The following NKAIN2 variants were observed in gnomAD, a reference collection of about 807,000 sequenced individuals.
NKAIN2 encodes the protein sodium/potassium transporting ATPase interacting 2, also known as sodium/potassium-transporting ATPase subunit beta-1-interacting protein 2.
In NKAIN2, 14 loss-of-function variants were observed where a neutral mutation model predicts 32.6. That is an observed-to-expected ratio of 0.43 (90% CI 0.28 to 0.67). The LOEUF (loss-of-function observed/expected upper bound fraction) is 0.67, where lower values mean the gene tolerates loss of function less well. NKAIN2 is among the 30% of genes least tolerant of loss of function. The pLI is 0.17. For synonymous variants in NKAIN2, 80 were observed against 87.2 expected (o/e 0.92, Z 0.46); for missense variants, 198 against 258.3 (o/e 0.77, Z 1.60).
intron 3 of NKAIN2, among the ~76,000 whole-genome samples, chr6:124,502,680 T>C (rs372535253): frequency 3.9e-5 from 6 of 152,222 alleles, no homozygotes; most frequent in Non-Finnish European, 7.3e-5. Flanking sequence ...TGTGAGATAA[T>C]GATCTTCCCT....
At chr6:124,171,848 G>T (rs1453735129) in intron 1 of NKAIN2, among the ~76,000 whole-genome samples, 3 of 141,388 alleles carry the variant, frequency 2.1e-5, no homozygotes, top group South Asian at 4.6e-4. Context: ...CACCGCGGCC[G>T]ACTCTTTTTT....
chr6:124,405,742 G>T (rs957506645), intron 3 of NKAIN2, among the ~76,000 whole-genome samples: 2 of 152,000 alleles, frequency 1.3e-5, no homozygotes, highest in African/African-American at 4.8e-5. Context: ...CAGTGAAAGA[G>T]TGTGATATCC....
intron 4 of NKAIN2, among the ~76,000 whole-genome samples, chr6:124,710,865 C>T (rs536202492): frequency 0.017 from 2,561 of 150,118 alleles, 35 homozygotes; most frequent in Middle Eastern, 0.027. Flanking sequence ...GAATTTGATC[C>T]TGTCATTATG....
At chr6:124,248,148 T>A (rs955434192) in intron 1 of NKAIN2, among the ~76,000 whole-genome samples, 2 of 152,094 alleles carry the variant, frequency 1.3e-5, no homozygotes, top group African/African-American at 4.8e-5. Flanking sequence ...TCAATAAAAT[T>A]TTAATAAGAT....
intron 3 of NKAIN2, among the ~76,000 whole-genome samples, chr6:124,552,350 C>T (rs1275659096): frequency 2.0e-5 from 3 of 152,198 alleles, no homozygotes; most frequent in African/African-American, 7.2e-5. Flanking sequence ...AGAGCAGGCA[C>T]TGAAATCTGA....
At chr6:124,222,351 C>G (rs1791877942) in intron 1 of NKAIN2, among the ~76,000 whole-genome samples, 2 of 152,028 alleles carry the variant, frequency 1.3e-5, no homozygotes. Flanking sequence ...AAATTAAATA[C>G]AGAAGTAAAT....
intron 3 of NKAIN2, among the ~76,000 whole-genome samples, chr6:124,574,031 T>C (rs1470538585): frequency 6.6e-6 from 1 of 152,102 alleles, no homozygotes; most frequent in African/African-American, 2.4e-5. Flanking sequence ...AAAAGCTCTG[T>C]GCATTGACAT....
intron 2 of NKAIN2, among the ~76,000 whole-genome samples, chr6:124,296,798 G>A (rs778278115): frequency 6.6e-6 from 1 of 152,150 alleles, no homozygotes; most frequent in Non-Finnish European, 1.5e-5. Context: ...GAATTGTTTA[G>A]GATAAAAGCA....
intron 1 of NKAIN2, among the ~76,000 whole-genome samples, chr6:123,972,005 C>T (rs759825614): frequency 6.6e-6 from 1 of 152,156 alleles, no homozygotes; most frequent in Non-Finnish European, 1.5e-5. Context: ...TAAGACCAAG[C>T]TTTCCCCTTC....
intron 1 of NKAIN2, among the ~76,000 whole-genome samples, chr6:124,273,589 G>T (rs1794901557): frequency 6.6e-6 from 1 of 152,160 alleles, no homozygotes; most frequent in African/African-American, 2.4e-5. Flanking sequence ...CAGATGACAT[G>T]AATATGTCTG....
chr6:124,607,221 T>C (rs886474293), intron 3 of NKAIN2, among the ~76,000 whole-genome samples: 4 of 152,166 alleles, frequency 2.6e-5, no homozygotes, highest in Non-Finnish European at 5.9e-5. Flanking sequence ...TAATAAAGTG[T>C]GATTTAACTA....
chr6:124,146,352 A>G (rs1787401224), intron 1 of NKAIN2, among the ~76,000 whole-genome samples: 1 of 152,210 alleles, frequency 6.6e-6, no homozygotes, highest in Non-Finnish European at 1.5e-5. Context: ...TTTTAATTAA[A>G]TTACTTTATC....
In NKAIN2 at chr6:123,981,460, T is replaced by G. The variant is rs1020700562; in HGVS notation, c.54+177206T>G. 3.3e-5 allele frequency among the ~76,000 whole-genome samples: 5 copies of G among 152,248 alleles called. No individual in the cohort carries two copies. In the East Asian group the frequency reaches 7.8e-4, roughly 24 times the overall value. Reference sequence around the variant, plus strand: ...CATCTGCATGCCCCACGGTGCTAAATTTTGGCTTTGCATAGATCCCCTGTG... The same window carrying G: ...CATCTGCATGCCCCACGGTGCTAAAGTTTGGCTTTGCATAGATCCCCTGTG... On this transcript the variant is annotated intron_variant, in intron 1 of 6. Coordinates refer to ENST00000368417, the MANE Select transcript of NKAIN2 (RefSeq NM_001040214.3).
At chr6:124,330,086 A>G (rs1402831752) in intron 2 of NKAIN2, among the ~76,000 whole-genome samples, 1 of 152,184 alleles carries the variant, frequency 6.6e-6, no homozygotes, top group Non-Finnish European at 1.5e-5. Flanking sequence ...TTGCTGGCAG[A>G]TTAGTTATTC....
rs567252266 is a variant in NKAIN2 at position 123,997,013 on chromosome 6, T to G, written c.54+192759T>G. 3.3e-5 allele frequency among the ~76,000 whole-genome samples: 5 copies of G among 152,342 alleles called. No homozygotes were observed. The South Asian group carries it at 6.2e-4, about 19-fold the overall frequency. On this transcript the variant is annotated intron_variant, in intron 1 of 6. Transcript: ENST00000368417. Reference sequence around the variant, plus strand: ...TGTATGTTGTTCCAAATTATAGATTTTGTCCTTAAAATAATATTGGCAATT... The same window carrying G: ...TGTATGTTGTTCCAAATTATAGATTGTGTCCTTAAAATAATATTGGCAATT...
intron 3 of NKAIN2, among the ~76,000 whole-genome samples, chr6:124,511,560 T>C (rs1284589844): frequency 6.6e-6 from 1 of 152,190 alleles, no homozygotes; most frequent in Non-Finnish European, 1.5e-5. Context: ...CAACCTTGCC[T>C]TCAGATTTTC....
At chr6:124,355,593 T>C (rs113514219) in intron 3 of NKAIN2, among the ~76,000 whole-genome samples, 110 of 152,310 alleles carry the variant, frequency 7.2e-4, no homozygotes, top group African/African-American at 2.5e-3. Flanking sequence ...GCAGTGCACT[T>C]TAAAACATTA....
At chr6:124,587,904 T>C (rs1342725863) in intron 3 of NKAIN2, among the ~76,000 whole-genome samples, 1 of 152,180 alleles carries the variant, frequency 6.6e-6, no homozygotes, top group African/African-American at 2.4e-5. Flanking sequence ...AATTTAAGCA[T>C]ATTGGAAGCT....
At chr6:124,222,585 G>A (rs890948503) in intron 1 of NKAIN2, among the ~76,000 whole-genome samples, 2 of 152,114 alleles carry the variant, frequency 1.3e-5, no homozygotes, top group African/African-American at 4.8e-5. Flanking sequence ...ATAGGCAAAG[G>A]AAACAATAAG....
Sources: allele counts gnomAD v4.1 joint callset (sites outside exome capture counted in the v4.1 genomes callset), GRCh38; gene constraint gnomAD v4.1.1; transcripts MANE v1.5; gene names NCBI Gene and HGNC (gene_info 2026-07-23, HGNC 2026-07-21).